The following SPAG9 variants were observed in gnomAD, a reference collection of about 807,000 sequenced individuals.
The protein encoded by SPAG9 is C-Jun-amino-terminal kinase-interacting protein 4.
In SPAG9, 35 loss-of-function variants were observed where a neutral mutation model predicts 166.5. The ratio of observed to expected loss-of-function variants is 0.21; its 90% CI spans 0.16 to 0.28. SPAG9 has a LOEUF of 0.28. Ranked by LOEUF, SPAG9 falls within the 10% of genes least tolerant of loss-of-function variation. The probability of loss-of-function intolerance (pLI) is 1.00; values close to 1 mark genes in which losing one functional copy is unlikely to be tolerated. For synonymous variants in SPAG9, 534 were observed against 565.5 expected, an observed-to-expected ratio of 0.94 and a Z score of 0.79; for missense variants, 1,235 against 1,603.3, an observed-to-expected ratio of 0.77 and a Z score of 3.92.
rs1973351185 is a variant in SPAG9, at chr17:50,966,183, C to G, written c.*89G>C. 9.6e-6 allele frequency: 8 copies of G among 835,924 alleles called. No homozygotes were observed. The South Asian group carries it at 1.1e-4, about 12-fold the overall frequency. The allele number at this position is 835,924 out of a possible 1,614,324, so 51.8% of individuals were successfully genotyped here. On this transcript the variant is annotated 3_prime_UTR_variant, in exon 30 of 30. Coordinates refer to ENST00000262013, the MANE Select transcript of SPAG9 (RefSeq NM_001130528.3). ...TCACACATTATGTGGTGAAACTTAT[C>G]TCACAAAAGAGCATTAAATAAAAGG...
intron 9 of SPAG9, among the ~76,000 whole-genome samples, chr17:51,011,779 G>A (rs1168125476): frequency 6.6e-6 from 1 of 152,138 alleles, no homozygotes; most frequent in Non-Finnish European, 1.5e-5. Flanking sequence ...CTATTCTAGA[G>A]ATAAATGTAT....
At chr17:51,089,049 G>A (rs1469325210) in intron 1 of SPAG9, among the ~76,000 whole-genome samples, 3 of 151,020 alleles carry the variant, frequency 2.0e-5, no homozygotes, top group African/African-American at 7.3e-5. Flanking sequence ...GCGAGATTGC[G>A]CCACTGCACT....
At chr17:51,068,872 T>C (rs936892935) in intron 2 of SPAG9, among the ~76,000 whole-genome samples, 5 of 152,038 alleles carry the variant, frequency 3.3e-5, no homozygotes, top group Admixed American at 6.6e-5. Flanking sequence ...GACTCAAAAA[T>C]GAAAGAGCCC....
chr17:51,089,749 C>G (rs532960835), intron 1 of SPAG9, among the ~76,000 whole-genome samples: 11 of 147,982 alleles, frequency 7.4e-5, no homozygotes, highest in Admixed American at 1.4e-4. Context: ...GATCTTGGCT[C>G]CCTGCAACCT....
At chr17:50,984,900 G>C (rs1196691923) in intron 24 of SPAG9, 23 bp downstream of exon 24, 1 of 1,598,932 alleles carries the variant, frequency 6.3e-7, no homozygotes, top group African/African-American at 1.3e-5. Context: ...TAGTGTCCAT[G>C]TTATACACAC....
At chr17:51,055,574 G>A (rs2047340864) in intron 3 of SPAG9, among the ~76,000 whole-genome samples, 1 of 151,480 alleles carries the variant, frequency 6.6e-6, no homozygotes, top group African/African-American at 2.4e-5. Context: ...CAGGATAAGA[G>A]ATCACACAAA....
At chr17:51,037,689 TG>T (rs1568028365) in intron 5 of SPAG9, among the ~76,000 whole-genome samples, 41 of 82,580 alleles carry the variant, frequency 5.0e-4, no homozygotes, top group African/African-American at 1.7e-3. Flanking sequence ...ATATATAGTG[TG>T]TGTGTGTGTG....
intron 6 of SPAG9, among the ~76,000 whole-genome samples, chr17:51,027,313 T>G (rs1037798868): frequency 6.6e-6 from 1 of 151,880 alleles, no homozygotes; most frequent in African/African-American, 2.4e-5. Flanking sequence ...ATGCCTGTAG[T>G]CCCAGCTACC....
intron 14 of SPAG9, chr17:50,999,452 T>C: frequency 6.7e-7 from 1 of 1,497,476 alleles, no homozygotes. Context: ...ATATCATATT[T>C]TTTGTCCTTG....
intron 1 of SPAG9, among the ~76,000 whole-genome samples, chr17:51,090,270 C>G (rs2144685375): frequency 6.6e-6 from 1 of 152,066 alleles, no homozygotes; most frequent in East Asian, 1.9e-4. Flanking sequence ...GCCTGTAATC[C>G]CAGCATTTTT....
intron 21 of SPAG9, among the ~76,000 whole-genome samples, chr17:50,987,498 C>T (rs189137347): frequency 6.6e-6 from 1 of 151,370 alleles, no homozygotes; most frequent in Admixed American, 6.6e-5. Context: ...CACACTATCA[C>T]ACCTGGCTTC....
chr17:51,097,865 C>A (rs1276993952), intron 1 of SPAG9, among the ~76,000 whole-genome samples: 3 of 152,086 alleles, frequency 2.0e-5, no homozygotes, highest in African/African-American at 7.2e-5. Context: ...TGACACGATC[C>A]CAGCTCACTG....
intron 1 of SPAG9, among the ~76,000 whole-genome samples, chr17:51,095,976 T>TATATATAGTGATATATATAGTG (rs1233090690): frequency 5.1e-5 from 3 of 58,394 alleles, no homozygotes; most frequent in African/African-American, 4.4e-4. Context: ...TATATAGTGA[T>TATATATAGTGATATATATAGTG]ATATATATAT....
chr17:51,091,005 TAATCCCAGCACTTTGG>T (rs1423985767), intron 1 of SPAG9, among the ~76,000 whole-genome samples: 2 of 152,104 alleles, frequency 1.3e-5, no homozygotes, highest in African/African-American at 4.8e-5. Context: ...CATGCTTGTA[TAATCCCAGCACTTTGG>T]GAGGCCAAGG....
chr17:51,054,114 G>A (rs2047287427), intron 3 of SPAG9, among the ~76,000 whole-genome samples: 1 of 140,178 alleles, frequency 7.1e-6, no homozygotes, highest in Non-Finnish European at 1.5e-5. Context: ...AAAATGTGAG[G>A]GCTTTTTTTT....
chr17:51,084,493 A>G (rs1179168053), intron 1 of SPAG9, among the ~76,000 whole-genome samples: 1 of 151,968 alleles, frequency 6.6e-6, no homozygotes, highest in Admixed American at 6.6e-5. Flanking sequence ...GCTTCAAGCA[A>G]TACTCCTGCC....
At chr17:51,116,035 GTTTCTTTTTTT>G (rs140368899) in intron 1 of SPAG9, among the ~76,000 whole-genome samples, 3,374 of 151,694 alleles carry the variant, frequency 0.022, 131 homozygotes, top group African/African-American at 0.077. Flanking sequence ...CTTTTCAGAA[GTTTCTTTTTTT>G]TTTCTTTTTT....
Position 51,041,636 on chromosome 17 carries a change from T to C in SPAG9, c.606A>G (p.Ile202Met). The change falls in exon 5 of 30, where the codon ATA (isoleucine) becomes ATG (methionine). Residue 202 changes from isoleucine (I) to methionine (M), a missense_variant. Ile to Met is a conservative substitution (Grantham distance 10). Coordinates refer to ENST00000262013, the MANE Select transcript of SPAG9 (RefSeq NM_001130528.3). Reference sequence around the variant, plus strand: ...CAGGTAATGGGAAAATTCCTAATGATATAGGGCGTTCTTTTCTATTTGAAG... The same window carrying C: ...CAGGTAATGGGAAAATTCCTAATGACATAGGGCGTTCTTTTCTATTTGAAG... ...AHSRIRKERP[I>M]SLGIFPLPAG... 1 of 1,611,714 alleles carries C rather than the reference T, an allele frequency of 6.2e-7. No homozygotes were observed. The highest frequency in any genetic ancestry group is 8.5e-7 in the Non-Finnish European group (1 of 1,179,300).
chr17:51,016,225 C>CT (rs2045693244), intron 8 of SPAG9: 2 of 151,980 alleles, frequency 1.3e-5, no homozygotes, highest in Non-Finnish European at 2.9e-5. Flanking sequence ...AAAAAATTTA[C>CT]TTGTCATGCA....
Sources: allele counts gnomAD v4.1 joint callset (sites outside exome capture counted in the v4.1 genomes callset), GRCh38; gene constraint gnomAD v4.1.1; transcripts MANE v1.5; gene names NCBI Gene and HGNC (gene_info 2026-07-23, HGNC 2026-07-21).